Variants in ANKS6 observed in about 807,000 individuals in gnomAD.
ANKS6 encodes the protein ankyrin repeat and sterile alpha motif domain containing 6.
Under a neutral mutation model 77.9 loss-of-function variants are expected in ANKS6, and 47 were observed. The ratio of observed to expected loss-of-function variants is 0.60; its 90% CI spans 0.48 to 0.77. The LOEUF (loss-of-function observed/expected upper bound fraction) is 0.77. ANKS6 is among the 30% of genes least tolerant of loss of function. The pLI, the probability that ANKS6 is intolerant of heterozygous loss-of-function variation, is 0.00. For missense variants in ANKS6, 1,150 were observed against 1,159.1 expected (o/e 0.99, Z 0.11); for synonymous variants, 488 against 501.7 (o/e 0.97, Z 0.37).
intron 11 of ANKS6, among the ~76,000 whole-genome samples, chr9:98,757,491 G>A (rs1832778360): frequency 2.0e-5 from 3 of 152,348 alleles, no homozygotes; most frequent in East Asian, 1.9e-4. Flanking sequence ...TGTGAATGTA[G>A]GGGGCAATGA....
rs1232542110 is a variant in ANKS6 at position 98,791,569 on chromosome 9, T to C, written c.360-963A>G. 6.6e-6 allele frequency among the ~76,000 whole-genome samples: 1 copy of C among 152,108 alleles called. No homozygotes were observed. The highest frequency in any genetic ancestry group is 1.9e-4 in the East Asian group (1 of 5,194). ...GGTGTCTCTGGTGGGCTCGGAGCTGTGTATCTCCAAGCTGGAAGCGGCCCT... is the reference window on the plus strand; with the variant it reads ...GGTGTCTCTGGTGGGCTCGGAGCTGCGTATCTCCAAGCTGGAAGCGGCCCT... On this transcript the variant is annotated intron_variant, in intron 1 of 14. Coordinates refer to ENST00000353234, the MANE Select transcript of ANKS6 (RefSeq NM_173551.5). This position sits in a 1 kb window ranked among gnomAD's most constrained non-coding sequence, Gnocchi z 4.3.
chr9:98,775,121 C>T (rs1833857789), intron 8 of ANKS6, among the ~76,000 whole-genome samples: 1 of 152,242 alleles, frequency 6.6e-6, no homozygotes, highest in Non-Finnish European at 1.5e-5. Flanking sequence ...CAAGCTCATC[C>T]AGCAAACGGG....
Position 98,786,982 on chromosome 9 carries a change from A to G in ANKS6, c.863-2106T>C, listed in dbSNP as rs143097689. ...GTCCCAGGGACCCTGCCCCAACCCA[A>G]GGAAAAGAAATCAGCTCCAACTCCA... On this transcript the variant is annotated intron_variant, in intron 2 of 14. Coordinates refer to ENST00000353234, the MANE Select transcript of ANKS6 (RefSeq NM_173551.5). 7.7e-4 allele frequency among the ~76,000 whole-genome samples: 118 copies of G among 152,260 alleles called. 3 individuals carry two copies. In the East Asian group the frequency reaches 0.014, roughly 17 times the overall value.
chr9:98,741,439 CA>C (rs537910588), intron 14 of ANKS6, among the ~76,000 whole-genome samples: 38 of 151,498 alleles, frequency 2.5e-4, no homozygotes, highest in Non-Finnish European at 4.9e-4. Flanking sequence ...AAAGAAAAAA[CA>C]AAAAAAAGGA....
intron 14 of ANKS6, among the ~76,000 whole-genome samples, chr9:98,737,671 C>T (rs1345386201): frequency 2.0e-5 from 3 of 152,108 alleles, no homozygotes; most frequent in Non-Finnish European, 2.9e-5. Flanking sequence ...AAGCAATCTA[C>T]AAATTCAATG....
At chr9:98,749,921 C>T (rs117067952) in intron 13 of ANKS6, among the ~76,000 whole-genome samples, 1 of 152,310 alleles carries the variant, frequency 6.6e-6, no homozygotes, top group East Asian at 1.9e-4. Flanking sequence ...CTCACTGGAA[C>T]GTTCTAAACC....
At position 98,732,389 on chromosome 9, in the gene ANKS6, T is replaced by C. The variant is rs1747005184; in HGVS notation, c.*4130A>G. 8.3e-7 allele frequency: 1 copy of C among 1,203,300 alleles called. No homozygotes were observed. Among genetic ancestry groups the C allele is most frequent in the Non-Finnish European group, 1.2e-6 (1 of 856,942 alleles). The allele number at this position is 1,203,300 out of a possible 1,614,324, so 74.5% of individuals were successfully genotyped here. Reference sequence around the variant, plus strand: ...AAACTATCTTTCTTTCTGTCTGCCATGCCAGGAAATCCAGTGACAGCAAGA... The same window carrying C: ...AAACTATCTTTCTTTCTGTCTGCCACGCCAGGAAATCCAGTGACAGCAAGA... On this transcript the variant is annotated 3_prime_UTR_variant, in exon 15 of 15. Transcript: ENST00000353234.
At chr9:98,750,931 G>A (rs1832394330) in intron 13 of ANKS6, 98 bp downstream of exon 13, 1 of 922,656 alleles carries the variant, frequency 1.1e-6, no homozygotes, top group Non-Finnish European at 1.7e-6. Flanking sequence ...CTCAGTGCAA[G>A]AGATCAATCT....
rs1834892194 is a variant in ANKS6 at position 98,791,317 on chromosome 9, A to G, written c.360-711T>C. 1.3e-5 allele frequency among the ~76,000 whole-genome samples: 2 copies of G among 152,212 alleles called. No individual in the cohort carries two copies. Among genetic ancestry groups the G allele is most frequent in the Admixed American group, 1.3e-4 (2 of 15,290 alleles). The stretch of plus-strand genomic sequence containing the variant: ...GTTGTGGTCAGCAGATAGGCTGGGC[A>G]TTGCGGCCTGGAGGCCTGCTGCCAC... On this transcript the variant is annotated intron_variant, in intron 1 of 14. Transcript: ENST00000353234. The surrounding 1 kb of genome is among the most constrained non-coding windows in gnomAD (Gnocchi z 4.3).
rs1328635511 is a variant in ANKS6 at position 98,735,494 on chromosome 9, T to C, written c.*1025A>G. On this transcript the variant is annotated 3_prime_UTR_variant, in exon 15 of 15. Coordinates refer to ENST00000353234, the MANE Select transcript of ANKS6 (RefSeq NM_173551.5). ...AGGAAACTACACAAGCCAATTCCCT[T>C]TTGAGGAACACAGCATTAATAGGAT... The C allele has an allele frequency of 9.8e-6, 12 of 1,226,364 alleles. No individual in the cohort carries two copies. The highest frequency in any genetic ancestry group is 1.6e-5 in the African/African-American group (1 of 64,316). The allele number at this position is 1,226,364 out of a possible 1,614,324, so 76.0% of individuals were successfully genotyped here.
At chr9:98,762,031 C>A (rs1833041587) in intron 11 of ANKS6, among the ~76,000 whole-genome samples, 1 of 152,134 alleles carries the variant, frequency 6.6e-6, no homozygotes, top group Non-Finnish European at 1.5e-5. Context: ...TCCATCTCTT[C>A]ATTTATTTAA....
rs1299698488 is a variant in ANKS6, at chr9:98,734,334, TG to T, written c.*2184del. 2.0e-6 allele frequency: 2 copies of T among 985,312 alleles called. No individual in the cohort carries two copies. The highest frequency in any genetic ancestry group is 3.5e-5 in the African/African-American group (2 of 57,194). The allele number at this position is 985,312 out of a possible 1,614,324, so 61.0% of individuals were successfully genotyped here. A position where few individuals can be genotyped will look rare whatever the true frequency, so the allele number is the denominator to read the frequency against. On this transcript the variant is annotated 3_prime_UTR_variant, in exon 15 of 15. Coordinates refer to ENST00000353234, the MANE Select transcript of ANKS6 (RefSeq NM_173551.5). ...ATGGAGGTCTACATTTGTGAAAAGG[TG>T]ACCCCCCGGTGCAGCTGTGTATCAT...
At chr9:98,792,362 C>T (rs1052008929) in intron 1 of ANKS6, among the ~76,000 whole-genome samples, 1 of 152,208 alleles carries the variant, frequency 6.6e-6, no homozygotes, top group Non-Finnish European at 1.5e-5. Flanking sequence ...CCCTCTTTCC[C>T]TAATTGTCTC....
intron 13 of ANKS6, among the ~76,000 whole-genome samples, chr9:98,750,477 G>A (rs1326221411): frequency 6.6e-6 from 1 of 152,204 alleles, no homozygotes; most frequent in Admixed American, 6.5e-5. Context: ...GTTGCTACAA[G>A]CATTTGTGTA....
intron 11 of ANKS6, among the ~76,000 whole-genome samples, chr9:98,763,942 T>A (rs574142867): frequency 6.6e-6 from 1 of 152,118 alleles, no homozygotes; most frequent in Non-Finnish European, 1.5e-5. Flanking sequence ...AACACCTGAA[T>A]AGTCCTATAT....
intron 14 of ANKS6, among the ~76,000 whole-genome samples, chr9:98,738,863 C>T (rs1300496577): frequency 6.6e-6 from 1 of 152,230 alleles, no homozygotes; most frequent in South Asian, 2.1e-4. Context: ...CACCAATCAT[C>T]GAGTGGATAA....
intron 5 of ANKS6, among the ~76,000 whole-genome samples, chr9:98,781,184 G>A (rs1049171581): frequency 2.6e-5 from 4 of 152,216 alleles, no homozygotes; most frequent in African/African-American, 7.2e-5. Flanking sequence ...ATGGGCGTGA[G>A]CCATCCACGC....
At chr9:98,766,606 A>C (rs962953776) in intron 11 of ANKS6, among the ~76,000 whole-genome samples, 7 of 152,234 alleles carry the variant, frequency 4.6e-5, no homozygotes, top group African/African-American at 1.4e-4. Flanking sequence ...TATTACACAA[A>C]TTATTTTGAA....
chr9:98,751,869 C>G (rs892629055), intron 12 of ANKS6, among the ~76,000 whole-genome samples: 1 of 152,034 alleles, frequency 6.6e-6, no homozygotes, highest in African/African-American at 2.4e-5. Context: ...TCACTTGAGG[C>G]CAAAAGTTCA....
Sources: gnomAD v4.1 joint callset for allele counts (sites outside exome capture counted in the v4.1 genomes callset) on GRCh38, gnomAD v4.1.1 for gene constraint, Gnocchi (gnomAD v3.1) non-coding constraint, MANE v1.5 for transcripts, NCBI Gene and HGNC (gene_info 2026-07-23, HGNC 2026-07-21) for gene names.